Variants in SLC17A3 observed in about 807,000 individuals in gnomAD.
SLC17A3 encodes sodium-dependent phosphate transport protein 4.
In SLC17A3, 61 loss-of-function variants were observed where a neutral mutation model predicts 60.3. That is an observed-to-expected ratio of 1.01 (90% confidence interval 0.82 to 1.25). The LOEUF (loss-of-function observed/expected upper bound fraction) is 1.25, where lower values mean the gene tolerates loss of function less well. Among genes scored for constraint, SLC17A3 ranks in the 50% most tolerant of loss-of-function variants. The pLI, the probability that SLC17A3 is intolerant of heterozygous loss-of-function variation, is 0.00. For synonymous variants in SLC17A3, 192 were observed against 208.9 expected (o/e 0.92, Z 0.70); for missense variants, 624 against 594.9 (o/e 1.05, Z -0.51).
intron 6 of SLC17A3, among the ~76,000 whole-genome samples, chr6:25,854,501 C>A (rs1015050042): frequency 1.3e-5 from 2 of 152,158 alleles, no homozygotes; most frequent in Non-Finnish European, 2.9e-5. Flanking sequence ...ACCAACAGGA[C>A]TCTATCTCTG....
chr6:25,857,201 A>T (rs1765371302), intron 5 of SLC17A3, among the ~76,000 whole-genome samples: 1 of 151,898 alleles, frequency 6.6e-6, no homozygotes, highest in Non-Finnish European at 1.5e-5. Context: ...AAAAAAAAAA[A>T]GTAGAGTAAA....
At chr6:25,846,680 G>A (rs546009401) in intron 11 of SLC17A3, among the ~76,000 whole-genome samples, 2 of 152,056 alleles carry the variant, frequency 1.3e-5, no homozygotes, top group Admixed American at 6.5e-5. Context: ...GCACGATCTC[G>A]GCTCACTGCA....
At chr6:25,860,493 C>T (rs1765429229) in intron 5 of SLC17A3, among the ~76,000 whole-genome samples, 1 of 152,146 alleles carries the variant, frequency 6.6e-6, no homozygotes, top group African/African-American at 2.4e-5. Context: ...GCAGGTTCAG[C>T]TCACTCCACC....
In SLC17A3 at chr6:25,845,102, CTTAG is replaced by C. The variant is rs1199072381; in HGVS notation, c.*195_*198del. 2.6e-6 allele frequency: 1 copy of C among 385,472 alleles called. No individual in the cohort carries two copies. Among genetic ancestry groups the C allele is most frequent in the Non-Finnish European group, 4.9e-6 (1 of 206,040 alleles). 23.9% of individuals were successfully genotyped at this position (385,472 alleles called of 1,614,324 possible). On this transcript the variant is annotated 3_prime_UTR_variant, in exon 13 of 13. Transcript: ENST00000397060. ...ATTCTATGAAGATGACAACTGCATTCTTAGTTATCATTTTATTTGAATTTTTATT... is the reference window on the plus strand; with the variant it reads ...ATTCTATGAAGATGACAACTGCATTCTTATCATTTTATTTGAATTTTTATT...
At chr6:25,847,194 C>T (rs1166623259) in intron 11 of SLC17A3, among the ~76,000 whole-genome samples, 3 of 152,158 alleles carry the variant, frequency 2.0e-5, no homozygotes, top group South Asian at 2.1e-4. Flanking sequence ...TCTGTTCCTG[C>T]GTTAGTTTTC....
Position 25,862,384 on chromosome 6 carries a change from G to T in SLC17A3, c.152C>A (p.Thr51Lys). ...IALVLHFCNF[T>K]TIAQNVIMNI... ...CATGATGACATTTTGTGCTATCGTT[G>T]TGAAATTGCAGAAATGTAAGACGAG... The change falls in exon 3 of 13, where the codon ACA (threonine) becomes AAA (lysine). Residue 51 changes from threonine to lysine, a missense_variant. Thr to Lys is a moderately conservative substitution (Grantham distance 78, BLOSUM62 -1). Coordinates refer to ENST00000397060, the MANE Select transcript of SLC17A3 (RefSeq NM_001098486.2). The T allele has an allele frequency of 6.2e-7, 1 of 1,613,726 alleles. No homozygotes were observed. The highest frequency in any genetic ancestry group is 8.5e-7 in the Non-Finnish European group (1 of 1,179,738).
At chr6:25,858,908 T>G (rs1173014121) in intron 5 of SLC17A3, among the ~76,000 whole-genome samples, 2 of 152,232 alleles carry the variant, frequency 1.3e-5, no homozygotes, top group African/African-American at 2.4e-5. Flanking sequence ...CATATATATG[T>G]TCATATCTAA....
chr6:25,846,814 T>C (rs996211446), intron 11 of SLC17A3, among the ~76,000 whole-genome samples: 2 of 152,138 alleles, frequency 1.3e-5, no homozygotes, highest in Non-Finnish European at 2.9e-5. Context: ...GGTTTCACCA[T>C]GTTGGCCAGG....
Position 25,850,838 on chromosome 6 carries a change from A to G in SLC17A3, c.752T>C (p.Val251Ala). ...GCVCCLLWFV[V>A]IYDDPVSYPW... ...ATAGGAAACGGGGTCATCATAAATCACAACAAACCAGAGAAGGCAGCAGAC... is the reference window on the plus strand; with the variant it reads ...ATAGGAAACGGGGTCATCATAAATCGCAACAAACCAGAGAAGGCAGCAGAC... Residue 251 changes from valine (V) to alanine (A), a missense_variant, in exon 7 of 13, where the codon GTG (valine) becomes GCG (alanine). Transcript: ENST00000397060. The G allele has an allele frequency of 6.2e-7, 1 of 1,614,122 alleles. No individual in the cohort carries two copies. Among genetic ancestry groups the G allele is most frequent in the Non-Finnish European group, 8.5e-7 (1 of 1,179,954 alleles).
At chr6:25,853,542 C>G (rs940384194) in intron 6 of SLC17A3, among the ~76,000 whole-genome samples, 1 of 151,126 alleles carries the variant, frequency 6.6e-6, no homozygotes, top group Non-Finnish European at 1.5e-5. Flanking sequence ...CTCAGCCTCC[C>G]GAGTAGCTGG....
intron 1 of SLC17A3, among the ~76,000 whole-genome samples, chr6:25,869,485 G>A (rs1186854009): frequency 6.6e-6 from 1 of 151,862 alleles, no homozygotes; most frequent in East Asian, 1.9e-4. Flanking sequence ...ATTATTCAGA[G>A]GTATGTTTTC....
chr6:25,870,487 G>A (rs1243124789), intron 1 of SLC17A3, among the ~76,000 whole-genome samples: 1 of 151,964 alleles, frequency 6.6e-6, no homozygotes, highest in Non-Finnish European at 1.5e-5. Flanking sequence ...CCTACTAGGG[G>A]CTCTGCTTGG....
intron 6 of SLC17A3, among the ~76,000 whole-genome samples, chr6:25,854,001 A>C (rs1765321695): frequency 6.6e-6 from 1 of 152,104 alleles, no homozygotes; most frequent in Non-Finnish European, 1.5e-5. Context: ...TTAAATATTT[A>C]GGGTATTTCC....
At position 25,869,455 on chromosome 6, in the gene SLC17A3, C is replaced by G. The variant is rs191164142; in HGVS notation, c.-33-1035G>C. The stretch of plus-strand genomic sequence containing the variant: ...AAACTAAGGAATAACTTCTTAGTAT[C>G]TCTTTATAATAAAAGTTTTATTATT... On this transcript the variant is annotated intron_variant, in intron 1 of 12. Transcript: ENST00000397060. Among the ~76,000 whole-genome samples the G allele has an allele frequency of 2.6e-5, 4 of 152,026 alleles. No homozygotes were observed. In the East Asian group the frequency reaches 7.8e-4, roughly 29 times the overall value.
chr6:25,867,185 A>C (rs973133031), intron 2 of SLC17A3, among the ~76,000 whole-genome samples: 4 of 151,964 alleles, frequency 2.6e-5, no homozygotes, highest in African/African-American at 9.7e-5. Flanking sequence ...ACAACTTCTC[A>C]CAAGGGCCAC....
chr6:25,872,431 T>C (rs1765659551), intron 1 of SLC17A3, among the ~76,000 whole-genome samples: 1 of 151,318 alleles, frequency 6.6e-6, no homozygotes, highest in Non-Finnish European at 1.5e-5. Flanking sequence ...TTCATCTAAG[T>C]GTGTGTGTCT....
intron 1 of SLC17A3, among the ~76,000 whole-genome samples, chr6:25,872,709 T>C (rs1765664637): frequency 1.3e-5 from 2 of 151,772 alleles, no homozygotes; most frequent in African/African-American, 2.4e-5. Context: ...GCATGGGTAC[T>C]CTTGCTAAGA....
Position 25,866,610 on chromosome 6 carries a change from A to G in SLC17A3, c.91+1687T>C, listed in dbSNP as rs185007458. ...AAATGAGTACAGTTGGCAAAAAATA[A>G]TAAAGCCTAGTTGAATGACTATACA... is the stretch of plus-strand genomic sequence containing the variant. On this transcript the variant is annotated intron_variant, in intron 2 of 12. Coordinates refer to ENST00000397060, the MANE Select transcript of SLC17A3 (RefSeq NM_001098486.2). 2.6e-3 allele frequency among the ~76,000 whole-genome samples: 393 copies of G among 152,122 alleles called. 2 individuals carry two copies. The highest frequency in any genetic ancestry group is 5.3e-3 in the Non-Finnish European group (359 of 67,916).
chr6:25,848,363 A>C (rs1482977873), intron 11 of SLC17A3, among the ~76,000 whole-genome samples: 1 of 152,198 alleles, frequency 6.6e-6, no homozygotes, highest in Non-Finnish European at 1.5e-5. Context: ...CATTCCTACC[A>C]ATAGTCATCC....
Sources: allele counts gnomAD v4.1 joint callset (sites outside exome capture counted in the v4.1 genomes callset), GRCh38; gene constraint gnomAD v4.1.1; transcripts MANE v1.5; gene names NCBI Gene and HGNC (gene_info 2026-07-23, HGNC 2026-07-21).